Variants in LRBA observed in about 807,000 individuals in gnomAD.
LRBA encodes lipopolysaccharide-responsive and beige-like anchor protein.
LRBA carries 176 observed loss-of-function variants against 330.0 expected under a neutral mutation model. That is an observed-to-expected ratio of 0.53 (90% CI 0.47 to 0.60). The LOEUF (loss-of-function observed/expected upper bound fraction) is 0.60. Ranked by LOEUF, LRBA falls within the 20% of genes least tolerant of loss-of-function variation. The probability of loss-of-function intolerance (pLI) is 0.00; values close to 1 mark genes in which losing one functional copy is unlikely to be tolerated. For synonymous variants in LRBA, 1,230 were observed against 1,193.0 expected (o/e 1.03, Z -0.64); for missense variants, 3,259 against 3,444.8 (o/e 0.95, Z 1.35).
chr4:150,705,678 A>T (rs1785548078), intron 36 of LRBA, among the ~76,000 whole-genome samples: 1 of 152,074 alleles, frequency 6.6e-6, no homozygotes, highest in Non-Finnish European at 1.5e-5. Context: ...CATATGTAAC[A>T]TCAAAAAAAG....
chr4:150,865,021 A>G (rs1415370270), intron 22 of LRBA, among the ~76,000 whole-genome samples: 1 of 152,188 alleles, frequency 6.6e-6, no homozygotes, highest in African/African-American at 2.4e-5. Flanking sequence ...AAGGACTTGA[A>G]GAAACTAAGG....
chr4:150,302,540 T>C, intron 53 of LRBA, 85 bp downstream of exon 53: 1 of 829,758 alleles, frequency 1.2e-6, no homozygotes. Context: ...GTCTCACTTT[T>C]ACCATAACAA....
At chr4:150,558,044 C>T (rs1767560052) in intron 40 of LRBA, among the ~76,000 whole-genome samples, 1 of 152,284 alleles carries the variant, frequency 6.6e-6, no homozygotes, top group Non-Finnish European at 1.5e-5. Context: ...ATTACAGGCA[C>T]ATACCACCAT....
chr4:150,701,641 G>T (rs1230978491), intron 36 of LRBA, among the ~76,000 whole-genome samples: 7 of 152,160 alleles, frequency 4.6e-5, no homozygotes, highest in Non-Finnish European at 1.0e-4. Flanking sequence ...AGCAAATATT[G>T]TCAAGCTTAG....
intron 47 of LRBA, among the ~76,000 whole-genome samples, chr4:150,356,756 A>G (rs991883586): frequency 6.6e-6 from 1 of 151,980 alleles, no homozygotes; most frequent in Non-Finnish European, 1.5e-5. Flanking sequence ...ATAAACTAAA[A>G]TCCATGAATA....
chr4:150,754,521 C>CAAA (rs755838647), intron 35 of LRBA, among the ~76,000 whole-genome samples: 129 of 85,824 alleles, frequency 1.5e-3, no homozygotes, highest in Non-Finnish European at 1.6e-3. Context: ...CCTGTCTCAC[C>CAAA]AAAAAAAAAA....
chr4:150,608,789 G>T (rs6826066), intron 37 of LRBA, among the ~76,000 whole-genome samples: 108,382 of 152,108 alleles, frequency 0.71, 45,299 homozygotes, highest in Non-Finnish European at 0.92. Context: ...TGGCAATGAT[G>T]AGCCTACCTT....
At position 150,895,286 on chromosome 4, in the gene LRBA, T is replaced by G. The variant is rs192423096; in HGVS notation, c.2067+1108A>C. Among the ~76,000 whole-genome samples, 4 of 151,618 alleles carry G rather than the reference T, an allele frequency of 2.6e-5. No homozygotes were observed. The East Asian group carries it at 7.7e-4, about 29-fold the overall frequency. ...TTCAACCTATTTAATTTTCTTTTTA[T>G]TTTTTTTTAATTACACTTCAAGTTT... On this transcript the variant is annotated intron_variant, in intron 16 of 56. Coordinates refer to ENST00000651943, the MANE Select transcript of LRBA (RefSeq NM_001364905.1).
chr4:150,603,957 G>A (rs1774370855), intron 37 of LRBA, among the ~76,000 whole-genome samples: 1 of 152,052 alleles, frequency 6.6e-6, no homozygotes, highest in Non-Finnish European at 1.5e-5. Flanking sequence ...ATTTGATCAG[G>A]TAGAACAAAT....
At chr4:150,540,463 G>T (rs907271220) in intron 40 of LRBA, among the ~76,000 whole-genome samples, 3 of 152,112 alleles carry the variant, frequency 2.0e-5, no homozygotes, top group Non-Finnish European at 4.4e-5. Flanking sequence ...TCAAAGTGCT[G>T]GGTATACAGG....
chr4:150,974,429 T>C (rs1425073475), intron 2 of LRBA, among the ~76,000 whole-genome samples: 2 of 152,126 alleles, frequency 1.3e-5, no homozygotes, highest in East Asian at 3.8e-4. Context: ...ACTACCGAGA[T>C]TGTTGTAAGC....
chr4:150,545,127 CT>C (rs1200510087), intron 40 of LRBA, among the ~76,000 whole-genome samples: 2 of 152,076 alleles, frequency 1.3e-5, no homozygotes, highest in African/African-American at 4.8e-5. Context: ...TCATGAAAGC[CT>C]TTAAAAACGA....
intron 36 of LRBA, among the ~76,000 whole-genome samples, chr4:150,708,214 A>C (rs749204513): frequency 6.6e-6 from 1 of 151,826 alleles, no homozygotes; most frequent in African/African-American, 2.4e-5. Flanking sequence ...CATCTCTGTC[A>C]GCTCCTGCTA....
At position 150,905,950 on chromosome 4, in the gene LRBA, C is replaced by T; in HGVS notation, c.1643G>A (p.Cys548Tyr). ...SHVSRAVLEL[C>Y]LAFSKYLSNL... Reference sequence around the variant, plus strand: ...ACTCAGATATTTTGAAAATGCAAGGCAAAGTTCAAGTACTGCTCTGCTAAC... The same window carrying T: ...ACTCAGATATTTTGAAAATGCAAGGTAAAGTTCAAGTACTGCTCTGCTAAC... Residue 548 changes from cysteine (C) to tyrosine (Y), a missense_variant, in exon 13 of 57, where the codon TGC (cysteine) becomes TAC (tyrosine). Coordinates refer to ENST00000651943, the MANE Select transcript of LRBA (RefSeq NM_001364905.1). 6.2e-7 allele frequency: 1 copy of T among 1,613,636 alleles called. No individual in the cohort carries two copies. The highest frequency in any genetic ancestry group is 2.2e-5 in the East Asian group (1 of 44,830).
At chr4:150,310,092 A>G (rs1580973860) in intron 52 of LRBA, 137 bp downstream of exon 52, 1 of 599,998 alleles carries the variant, frequency 1.7e-6, no homozygotes, top group East Asian at 2.6e-5. Context: ...AAGAGGGAAA[A>G]CAATGCCCTC....
intron 37 of LRBA, among the ~76,000 whole-genome samples, chr4:150,620,221 T>A (rs1776162814): frequency 6.6e-6 from 1 of 152,028 alleles, no homozygotes; most frequent in African/African-American, 2.4e-5. Context: ...ACATCACTAA[T>A]CATCACAGAA....
chr4:150,481,561 T>A (rs1757300948), intron 42 of LRBA, among the ~76,000 whole-genome samples: 1 of 152,066 alleles, frequency 6.6e-6, no homozygotes, highest in Admixed American at 6.6e-5. Context: ...TGCAGCTAAT[T>A]CCCTTGCCCC....
intron 34 of LRBA, among the ~76,000 whole-genome samples, chr4:150,772,185 A>G (rs949401430): frequency 6.6e-6 from 1 of 152,228 alleles, no homozygotes; most frequent in African/African-American, 2.4e-5. Context: ...ATTATTCTTC[A>G]CTACAGTCCA....
At chr4:150,345,164 G>C (rs1736116825) in intron 48 of LRBA, among the ~76,000 whole-genome samples, 1 of 152,070 alleles carries the variant, frequency 6.6e-6, no homozygotes, top group South Asian at 2.1e-4. Flanking sequence ...ATTTATCTCT[G>C]TACTGAATTT....
Sources: allele counts gnomAD v4.1 joint callset (sites outside exome capture counted in the v4.1 genomes callset), GRCh38; gene constraint gnomAD v4.1.1; transcripts MANE v1.5; gene names NCBI Gene and HGNC (gene_info 2026-07-23, HGNC 2026-07-21).